Variants in PPARG observed in about 807,000 individuals in gnomAD.
PPARG encodes the protein peroxisome proliferator activated receptor gamma.
A neutral mutation model predicts 39.2 loss-of-function variants in PPARG; 17 were observed. The observed-to-expected ratio is 0.43, with a 90% confidence interval of 0.30 to 0.65. The LOEUF is 0.65. Ranked by LOEUF, PPARG falls within the 30% of genes least tolerant of loss-of-function variation. The pLI, the probability that PPARG is intolerant of heterozygous loss-of-function variation, is 0.13. For missense variants in PPARG, 406 were observed against 585.9 expected, an observed-to-expected ratio of 0.69 and a Z score of 3.17; for synonymous variants, 223 against 215.7, an observed-to-expected ratio of 1.03 and a Z score of -0.30.
intron 4 of PPARG, among the ~76,000 whole-genome samples, chr3:12,382,461 T>C (rs188150573): frequency 2.6e-5 from 4 of 152,346 alleles, no homozygotes; most frequent in Non-Finnish European, 5.9e-5. Flanking sequence ...ATATTCACTT[T>C]ATAAAATAAA....
chr3:12,370,616 G>A (rs2921188), intron 2 of PPARG, among the ~76,000 whole-genome samples: 113,367 of 152,096 alleles, frequency 0.75, 43,155 homozygotes, highest in African/African-American at 0.9. Context: ...CACATATTAA[G>A]CTCCTCAAAT....
chr3:12,342,169 A>G (rs2048202510), intron 2 of PPARG, among the ~76,000 whole-genome samples: 1 of 152,258 alleles, frequency 6.6e-6, no homozygotes, highest in Non-Finnish European at 1.5e-5. Context: ...ACTTGAATCC[A>G]GAAATCCTTG....
At chr3:12,302,202 A>G (rs775408074) in intron 1 of PPARG, among the ~76,000 whole-genome samples, 3 of 152,224 alleles carry the variant, frequency 2.0e-5, no homozygotes, top group Non-Finnish European at 4.4e-5. Context: ...TTGGAAGCTC[A>G]GGGATTGACA....
intron 1 of PPARG, chr3:12,305,719 TA>T (rs1268030068): frequency 6.6e-6 from 1 of 152,228 alleles, no homozygotes; most frequent in Non-Finnish European, 1.5e-5. Flanking sequence ...TTCTACCTCC[TA>T]ATCCCAAATA....
At position 12,314,145 on chromosome 3, in the gene PPARG, C is replaced by T. The variant is rs139255178; in HGVS notation, c.-9+1692C>T. 4.5e-3 allele frequency among the ~76,000 whole-genome samples: 690 copies of T among 152,162 alleles called. 11 individuals are homozygous for T. Among genetic ancestry groups the T allele is most frequent in the African/African-American group, 0.016 (654 of 41,498 alleles). ...TATAAAAATTAGCTGGGTGTGATGG[C>T]GGATGCCCATAATCCCAGCTACTTG... is the stretch of plus-strand genomic sequence containing the variant. On this transcript the variant is annotated intron_variant, in intron 2 of 7. Coordinates refer to ENST00000651735, the MANE Select transcript of PPARG (RefSeq NM_138711.6).
chr3:12,415,905 A>C (rs2051039318), intron 6 of PPARG, among the ~76,000 whole-genome samples: 1 of 152,198 alleles, frequency 6.6e-6, no homozygotes. Flanking sequence ...CCTGTGAAGG[A>C]GAACAAAGGA....
chr3:12,345,684 A>T (rs2048305335), intron 2 of PPARG, among the ~76,000 whole-genome samples: 1 of 152,116 alleles, frequency 6.6e-6, no homozygotes, highest in African/African-American at 2.4e-5. Flanking sequence ...TCTCCCTCCT[A>T]TTAAGTTTCG....
intron 1 of PPARG, among the ~76,000 whole-genome samples, chr3:12,306,218 C>T (rs752509575): frequency 6.6e-6 from 1 of 152,172 alleles, no homozygotes; most frequent in African/African-American, 2.4e-5. Context: ...ACATAGATCC[C>T]TCACATGCAC....
chr3:12,367,126 G>A (rs1424619275), intron 2 of PPARG, among the ~76,000 whole-genome samples: 2 of 152,056 alleles, frequency 1.3e-5, no homozygotes, highest in Non-Finnish European at 2.9e-5. Flanking sequence ...GGAAAATTAT[G>A]TCTTTCAAGG....
chr3:12,397,378 T>TTTA (rs200520715), intron 5 of PPARG, among the ~76,000 whole-genome samples: 5,867 of 132,028 alleles, frequency 0.044, 164 homozygotes, highest in East Asian at 0.079. Context: ...CCTATTCCTT[T>TTTA]TTATTATTAT....
chr3:12,346,379 C>T (rs1389285330), intron 2 of PPARG, among the ~76,000 whole-genome samples: 2 of 152,078 alleles, frequency 1.3e-5, no homozygotes, highest in African/African-American at 4.8e-5. Flanking sequence ...AAATGAATTA[C>T]AGTCATATTA....
At chr3:12,334,225 CTTTTTTTCTTTT>C (rs1022473770) in intron 2 of PPARG, among the ~76,000 whole-genome samples, 2 of 150,172 alleles carry the variant, frequency 1.3e-5, no homozygotes, top group Non-Finnish European at 3.0e-5. Flanking sequence ...ATTTTCTTTT[CTTTTTTTCTTTT>C]TTTTTTTCTT....
At chr3:12,377,562 A>C (rs377724343) in intron 2 of PPARG, among the ~76,000 whole-genome samples, 21 of 152,284 alleles carry the variant, frequency 1.4e-4, no homozygotes, top group Admixed American at 5.2e-4. Context: ...AAATTATTTT[A>C]GGATGCAATT....
At position 12,405,956 on chromosome 3, in the gene PPARG, C is replaced by G; in HGVS notation, c.604C>G (p.Leu202Val). The G allele has an allele frequency of 6.2e-7, 1 of 1,614,150 alleles. No homozygotes were observed. Among genetic ancestry groups the G allele is most frequent in the Non-Finnish European group, 8.5e-7 (1 of 1,180,032 alleles). ...LAEISSDIDQ[L>V]NPESADLRAL... Reference sequence around the variant, plus strand: ...GGAGATCTCCAGTGATATCGACCAGCTGAATCCAGAGTCCGCTGACCTCCG... The same window carrying G: ...GGAGATCTCCAGTGATATCGACCAGGTGAATCCAGAGTCCGCTGACCTCCG... The change falls in exon 6 of 8, where the codon CTG (leucine) becomes GTG (valine). Residue 202 changes from leucine to valine, a missense_variant. Leu to Val is a conservative substitution (Grantham distance 32, BLOSUM62 1). This residue lies in a region of PPARG where 275 missense variants were observed against 458.0 expected (regional missense o/e 0.60). Transcript: ENST00000651735.
chr3:12,299,939 T>C (rs1019207084), intron 1 of PPARG, among the ~76,000 whole-genome samples: 4 of 152,222 alleles, frequency 2.6e-5, no homozygotes, highest in Non-Finnish European at 5.9e-5. Context: ...TTACTTACTA[T>C]AGCTATTTTC....
chr3:12,316,765 A>G (rs111621746), intron 2 of PPARG, among the ~76,000 whole-genome samples: 352 of 152,092 alleles, frequency 2.3e-3, no homozygotes, highest in Non-Finnish European at 3.8e-3. Flanking sequence ...GACATCATTT[A>G]CCAACTGGCA....
At chr3:12,324,822 ATTG>A (rs1399771849) in intron 2 of PPARG, among the ~76,000 whole-genome samples, 3 of 152,192 alleles carry the variant, frequency 2.0e-5, no homozygotes, top group Non-Finnish European at 2.9e-5. Flanking sequence ...CTTATTAAAA[ATTG>A]TTAAGATGTC....
intron 6 of PPARG, among the ~76,000 whole-genome samples, chr3:12,409,303 T>C (rs1223359041): frequency 3.3e-5 from 5 of 152,168 alleles, no homozygotes; most frequent in Admixed American, 6.5e-5. Context: ...AATAATCCAT[T>C]CACTGATGAC....
chr3:12,366,971 A>G (rs763947845), intron 2 of PPARG, among the ~76,000 whole-genome samples: 1 of 152,158 alleles, frequency 6.6e-6, no homozygotes, highest in Non-Finnish European at 1.5e-5. Context: ...GAGAATTGGT[A>G]TAATTTCTTC....
Sources: gnomAD v4.1 joint callset for allele counts (sites outside exome capture counted in the v4.1 genomes callset) on GRCh38, gnomAD v4.1.1 for gene constraint, gnomAD v4.1.1 regional missense constraint, MANE v1.5 for transcripts, NCBI Gene and HGNC (gene_info 2026-07-23, HGNC 2026-07-21) for gene names.